Variants in STAP2 observed in about 807,000 individuals in gnomAD.
The protein encoded by STAP2 is signal-transducing adaptor protein 2.
STAP2 carries 58 observed loss-of-function variants against 52.7 expected under a neutral mutation model. That is an observed-to-expected ratio of 1.10 (90% CI 0.89 to 1.37). The LOEUF (loss-of-function observed/expected upper bound fraction) is 1.37, where lower values mean the gene tolerates loss of function less well. Among genes scored for constraint, STAP2 ranks in the 40% most tolerant of loss-of-function variants. The pLI, the probability that STAP2 is intolerant of heterozygous loss-of-function variation, is 0.00. For synonymous variants in STAP2, 231 were observed against 210.5 expected (o/e 1.10, Z -0.84); for missense variants, 522 against 519.4 (o/e 1.00, Z -0.05).
intron 12 of STAP2, 121 bp from the exon 13 acceptor site, chr19:4,324,318 C>A: frequency 1.5e-6 from 2 of 1,299,968 alleles, no homozygotes; most frequent in Non-Finnish European, 2.1e-6. Context: ...GGACAGTGTG[C>A]TCGAAGGCAT....
chr19:4,333,817 C>T lies in STAP2; in HGVS notation c.175-1G>A. 1 of 1,613,896 alleles carries T rather than the reference C, an allele frequency of 6.2e-7. No homozygotes were observed. The highest frequency in any genetic ancestry group is 8.5e-7 in the Non-Finnish European group (1 of 1,179,986). ...CTCCCAAGTTGAGCTTCTCCACGTG[C>T]TGGGGGCATAGAAGCAGGGGATCTG... On this transcript the variant is annotated splice_acceptor_variant, in intron 2 of 12. Coordinates refer to ENST00000594605, the MANE Select transcript of STAP2 (RefSeq NM_001013841.2). LOFTEE classifies it high-confidence loss of function.
rs143484969 is a variant in STAP2 at position 4,329,980 on chromosome 19, G to T, written c.436C>A (p.Arg146Ser). ...ACTCACGAGGGTGTCTCCAGTGCAC[G>T]GCGCGCCTCCTCTTTGGCCAAGACT... Reference protein sequence around the residue: ...SEVLAKEEARRALETPSCFLK... With the variant: ...SEVLAKEEARSALETPSCFLK... Residue 146 changes from arginine (R) to serine (S), a missense_variant, in exon 5 of 13, where the codon CGT (arginine) becomes AGT (serine). Coordinates refer to ENST00000594605, the MANE Select transcript of STAP2 (RefSeq NM_001013841.2). The T allele has an allele frequency of 1.2e-6, 2 of 1,613,412 alleles. No individual in the cohort carries two copies. Among genetic ancestry groups the T allele is most frequent in the Non-Finnish European group, 1.7e-6 (2 of 1,179,926 alleles).
intron 1 of STAP2, among the ~76,000 whole-genome samples, chr19:4,337,765 C>T (rs926004498): frequency 1.3e-5 from 2 of 151,962 alleles, no homozygotes; most frequent in African/African-American, 4.8e-5. Context: ...ATCGCTTAAT[C>T]GTTTGAACCT....
chr19:4,327,516 G>A, intron 6 of STAP2, 131 bp from the exon 7 acceptor site: 2 of 950,604 alleles, frequency 2.1e-6, no homozygotes, highest in Non-Finnish European at 3.2e-6. Context: ...CCCACAGAAG[G>A]CCCCGCCACT....
chr19:4,327,848 C>T (rs1971820027), intron 6 of STAP2, among the ~76,000 whole-genome samples: 1 of 150,538 alleles, frequency 6.6e-6, no homozygotes, highest in Admixed American at 6.6e-5. Context: ...CAACCCTGGA[C>T]TGGGCTTGAG....
chr19:4,329,069 C>A (rs933141793), intron 5 of STAP2: 5 of 444,002 alleles, frequency 1.1e-5, no homozygotes, highest in Non-Finnish European at 1.6e-5. Flanking sequence ...GGCGCTATCT[C>A]GGCTCACCGC....
intron 4 of STAP2, among the ~76,000 whole-genome samples, chr19:4,330,389 G>A (rs1325804457): frequency 6.6e-6 from 1 of 151,922 alleles, no homozygotes; most frequent in Admixed American, 6.6e-5. Context: ...GGGCGTGGTG[G>A]CAGACACCTG....
At chr19:4,327,954 C>T (rs969529979) in intron 6 of STAP2, among the ~76,000 whole-genome samples, 4 of 152,044 alleles carry the variant, frequency 2.6e-5, no homozygotes, top group African/African-American at 7.3e-5. Flanking sequence ...GACTCCCCCC[C>T]GTAGATCCTG....
Position 4,325,311 on chromosome 19 carries a change from G to A in STAP2, c.980-3C>T. ...GACTGGCCAACTAGAGGAAGCCACT[G>A]CGTGGACAAAAGTGTAACGTGTCAC... On this transcript the variant is annotated splice_polypyrimidine_tract_variant and splice_region_variant and intron_variant, in intron 10 of 12. Coordinates refer to ENST00000594605, the MANE Select transcript of STAP2 (RefSeq NM_001013841.2). The A allele has an allele frequency of 6.2e-7, 1 of 1,614,186 alleles. No individual in the cohort carries two copies. Among genetic ancestry groups the A allele is most frequent in the East Asian group, 2.2e-5 (1 of 44,872 alleles).
chr19:4,329,959 A>T lies in STAP2; in HGVS notation c.455+2T>A, dbSNP rs1171487543. The stretch of plus-strand genomic sequence containing the variant: ...GCCCCTCGGGACAGGCGGGACACTC[A>T]CGAGGGTGTCTCCAGTGCACGGCGC... On this transcript the variant is annotated splice_donor_variant, in intron 5 of 12. Coordinates refer to ENST00000594605, the MANE Select transcript of STAP2 (RefSeq NM_001013841.2). LOFTEE classifies it high-confidence loss of function. 6.2e-7 allele frequency: 1 copy of T among 1,611,278 alleles called. No homozygotes were observed.
Position 4,328,738 on chromosome 19 carries a change from A to G in STAP2, c.527T>C (p.Leu176Pro), listed in dbSNP as rs750007672. The change falls in exon 6 of 13, where the codon CTG becomes CCG. Residue 176 changes from leucine to proline, a missense_variant. Leu to Pro is a moderately conservative substitution (Grantham distance 98). Transcript: ENST00000594605. ...GGCGCCGTCCCCGCTGGGCCGCAGCAGCAGGTTCCCGCACTCGGGGTAGCG... is the reference window on the plus strand; with the variant it reads ...GGCGCCGTCCCCGCTGGGCCGCAGCGGCAGGTTCCCGCACTCGGGGTAGCG... ...LERYPECGNL[L>P]LRPSGDGADG... 1 of 1,609,826 alleles carries G rather than the reference A, an allele frequency of 6.2e-7. No individual in the cohort carries two copies. The highest frequency in any genetic ancestry group is 8.5e-7 in the Non-Finnish European group (1 of 1,178,802).
rs367929698 is a variant in STAP2, at chr19:4,328,840, C to A, written c.456-31G>T. On this transcript the variant is annotated intron_variant, in intron 5 of 12. Coordinates refer to ENST00000594605, the MANE Select transcript of STAP2 (RefSeq NM_001013841.2). Reference sequence around the variant, plus strand: ...GCGGGCCGCGTCACCCACTCGGGACCCCGGAGACCAAGTCCGCTCTTCTGC... The same window carrying A: ...GCGGGCCGCGTCACCCACTCGGGACACCGGAGACCAAGTCCGCTCTTCTGC... 2.5e-4 allele frequency: 403 copies of A among 1,602,036 alleles called. 1 individual carries two copies. Among genetic ancestry groups the A allele is most frequent in the Non-Finnish European group, 5.6e-5 (66 of 1,174,970 alleles).
Position 4,327,397 on chromosome 19 carries a change from GA to G in STAP2, c.591-13del. The stretch of plus-strand genomic sequence containing the variant: ...GGACCACGTGCGTCCTGCACCAGGA[GA>G]AAGCGAGTGAGTGGCTCAGCCCAGG... On this transcript the variant is annotated splice_polypyrimidine_tract_variant and intron_variant, in intron 6 of 12. Transcript: ENST00000594605. The G allele has an allele frequency of 6.2e-7, 1 of 1,613,990 alleles. No homozygotes were observed. Among genetic ancestry groups the G allele is most frequent in the Non-Finnish European group, 8.5e-7 (1 of 1,179,910 alleles).
At chr19:4,338,565 T>TGGGGGGGGGGGGGCAC in intron 1 of STAP2, 87 bp downstream of exon 1, 1 of 235,122 alleles carries the variant, frequency 4.3e-6, no homozygotes, top group Non-Finnish European at 8.0e-6. Context: ...CCGCCCCCCC[T>TGGGGGGGGGGGGGCAC]TGGCGAGTGG....
At chr19:4,329,750 T>C (rs1327370480) in intron 5 of STAP2, among the ~76,000 whole-genome samples, 1 of 151,870 alleles carries the variant, frequency 6.6e-6, no homozygotes, top group Non-Finnish European at 1.5e-5. Flanking sequence ...ACCAGTCCTC[T>C]AGGCCCCTAG....
At chr19:4,330,977 T>C (rs12976218) in intron 4 of STAP2, among the ~76,000 whole-genome samples, 1 of 151,950 alleles carries the variant, frequency 6.6e-6, no homozygotes, top group Admixed American at 6.6e-5. Context: ...CCTCCCAAAG[T>C]GCTGGGATTA....
rs200258088 is a variant in STAP2, at chr19:4,338,728, C to T, written c.26G>A (p.Arg9His). The T allele has an allele frequency of 1.2e-5, 19 of 1,613,380 alleles. No individual in the cohort carries two copies. The highest frequency in any genetic ancestry group is 3.3e-5 in the Admixed American group (2 of 59,994). Residue 9 changes from arginine to histidine, a missense_variant, in exon 1 of 13, where the codon CGT becomes CAT. Transcript: ENST00000594605. MASALRPP[R>H]VPKPKGVLPS... The stretch of plus-strand genomic sequence containing the variant: ...CAGGACACCCTTAGGCTTGGGGACA[C>T]GGGGTGGCCTCAGGGCAGAGGCCAT...
chr19:4,328,436 C>T (rs868323925), intron 6 of STAP2, among the ~76,000 whole-genome samples: 1 of 69,258 alleles, frequency 1.4e-5, no homozygotes, highest in Non-Finnish European at 2.7e-5. Context: ...GACTCCTCCC[C>T]CAATCCGCCC....
intron 4 of STAP2, among the ~76,000 whole-genome samples, chr19:4,331,555 G>T (rs1971890498): frequency 6.6e-6 from 1 of 151,744 alleles, no homozygotes; most frequent in African/African-American, 2.4e-5. Context: ...GCTTGAACCG[G>T]GGAGGCAGAG....
Sources: allele counts gnomAD v4.1 joint callset (sites outside exome capture counted in the v4.1 genomes callset), GRCh38; gene constraint gnomAD v4.1.1; transcripts MANE v1.5; gene names NCBI Gene and HGNC (gene_info 2026-07-23, HGNC 2026-07-21).